Variants in PRKD1 observed in about 807,000 individuals in gnomAD.
The protein encoded by PRKD1 is protein kinase D1, also known as serine/threonine-protein kinase D1.
A neutral mutation model predicts 95.9 loss-of-function variants in PRKD1; 63 were observed. The observed-to-expected ratio is 0.66, with a 90% CI of 0.54 to 0.81. The LOEUF (loss-of-function observed/expected upper bound fraction) is 0.81. Ranked by LOEUF, PRKD1 falls within the 30% of genes least tolerant of loss-of-function variation. The pLI is 0.00. For missense variants in PRKD1, 1,048 were observed against 1,165.3 expected (o/e 0.90, Z 1.47); for synonymous variants, 425 against 423.1 (o/e 1.00, Z -0.05).
intron 1 of PRKD1, among the ~76,000 whole-genome samples, chr14:29,906,951 G>A (rs927487128): frequency 1.3e-5 from 2 of 152,000 alleles, no homozygotes; most frequent in African/African-American, 2.4e-5. Context: ...TTTATTATTC[G>A]CATAATTTTG....
intron 1 of PRKD1, among the ~76,000 whole-genome samples, chr14:29,767,729 T>C (rs1451149533): frequency 6.6e-6 from 1 of 152,238 alleles, no homozygotes. Context: ...GTCACATTGT[T>C]ACCTGAAAAT....
intron 1 of PRKD1, among the ~76,000 whole-genome samples, chr14:29,897,082 A>G (rs755871592): frequency 1.3e-5 from 2 of 152,024 alleles, no homozygotes; most frequent in Non-Finnish European, 2.9e-5. Flanking sequence ...TAATAAGAGT[A>G]TCTTTCTAGA....
At chr14:29,582,382 A>G (rs985259660) in intron 16 of PRKD1, among the ~76,000 whole-genome samples, 1 of 150,944 alleles carries the variant, frequency 6.6e-6, no homozygotes. Context: ...CTTGTTGAAT[A>G]ATTTCAGAAT....
chr14:29,755,787 T>C (rs984217052), intron 1 of PRKD1, among the ~76,000 whole-genome samples: 4 of 152,198 alleles, frequency 2.6e-5, no homozygotes, highest in Non-Finnish European at 5.9e-5. Flanking sequence ...CTCTCATATG[T>C]GCTTAGACAA....
intron 1 of PRKD1, among the ~76,000 whole-genome samples, chr14:29,826,031 C>T (rs994917698): frequency 1.3e-5 from 2 of 151,540 alleles, no homozygotes; most frequent in Non-Finnish European, 2.9e-5. Context: ...TTTATAGTAG[C>T]ACAATTCACA....
At chr14:29,844,448 A>G (rs1322996151) in intron 1 of PRKD1, among the ~76,000 whole-genome samples, 1 of 152,224 alleles carries the variant, frequency 6.6e-6, no homozygotes, top group East Asian at 1.9e-4. Flanking sequence ...TCAACAAATT[A>G]TGGTACATAC....
At chr14:29,659,867 T>C (rs912686347) in intron 4 of PRKD1, among the ~76,000 whole-genome samples, 8 of 152,208 alleles carry the variant, frequency 5.3e-5, no homozygotes, top group Non-Finnish European at 1.0e-4. Flanking sequence ...TGATATATTG[T>C]ATTGAAAATG....
intron 1 of PRKD1, among the ~76,000 whole-genome samples, chr14:29,889,783 T>C (rs1057368972): frequency 1.3e-5 from 2 of 152,178 alleles, no homozygotes; most frequent in African/African-American, 2.4e-5. Context: ...AAATACCTAA[T>C]GTAAATGATG....
At chr14:29,857,646 T>C (rs1892556746) in intron 1 of PRKD1, among the ~76,000 whole-genome samples, 2 of 152,172 alleles carry the variant, frequency 1.3e-5, no homozygotes, top group South Asian at 4.1e-4. Context: ...TTCATACACT[T>C]AGAAGAAGTT....
At chr14:29,866,328 T>C (rs1452645059) in intron 1 of PRKD1, among the ~76,000 whole-genome samples, 2 of 152,238 alleles carry the variant, frequency 1.3e-5, no homozygotes, top group African/African-American at 4.8e-5. Context: ...AATTTCTTAA[T>C]TGGCTACGTA....
chr14:29,855,374 A>C (rs1892459242), intron 1 of PRKD1, among the ~76,000 whole-genome samples: 1 of 152,212 alleles, frequency 6.6e-6, no homozygotes, highest in Admixed American at 6.5e-5. Context: ...TGAAGCTTTA[A>C]GATTTGACTG....
chr14:29,812,534 T>C (rs189117491), intron 1 of PRKD1, among the ~76,000 whole-genome samples: 90 of 152,290 alleles, frequency 5.9e-4, no homozygotes, highest in Non-Finnish European at 1.1e-3. Context: ...TCTGCATGTC[T>C]AGGGAGGCCT....
intron 2 of PRKD1, among the ~76,000 whole-genome samples, chr14:29,708,465 C>T (rs998020374): frequency 1.3e-5 from 2 of 152,002 alleles, no homozygotes; most frequent in African/African-American, 2.4e-5. Context: ...GTGGCCATGA[C>T]GTTAAATAAA....
intron 1 of PRKD1, among the ~76,000 whole-genome samples, chr14:29,768,944 G>A (rs1276381857): frequency 2.7e-4 from 41 of 152,130 alleles, no homozygotes; most frequent in Non-Finnish European, 1.5e-5. Context: ...GGGAGCCCAA[G>A]TCAGGTCACT....
intron 1 of PRKD1, among the ~76,000 whole-genome samples, chr14:29,779,538 T>C (rs956903948): frequency 3.3e-5 from 5 of 152,082 alleles, no homozygotes; most frequent in African/African-American, 9.7e-5. Context: ...CCATTCACAA[T>C]TGCTTCAAAG....
chr14:29,890,179 T>C (rs75881145), intron 1 of PRKD1, among the ~76,000 whole-genome samples: 6,975 of 152,326 alleles, frequency 0.046, 309 homozygotes, highest in African/African-American at 0.12. Context: ...TCTCCTGAGA[T>C]AAAGCAAAGA....
chr14:29,734,593 G>A (rs1886629331), intron 1 of PRKD1, among the ~76,000 whole-genome samples: 1 of 152,068 alleles, frequency 6.6e-6, no homozygotes, highest in Non-Finnish European at 1.5e-5. Context: ...TCTCCCAAGT[G>A]TTTGGTGAAC....
intron 1 of PRKD1, among the ~76,000 whole-genome samples, chr14:29,882,727 T>C (rs748752600): frequency 6.6e-6 from 1 of 152,224 alleles, no homozygotes; most frequent in Non-Finnish European, 1.5e-5. Context: ...AGACACCTCA[T>C]ACAAGTTAAA....
At chr14:29,656,850 A>G (rs1438198262) in intron 4 of PRKD1, among the ~76,000 whole-genome samples, 1 of 152,232 alleles carries the variant, frequency 6.6e-6, no homozygotes, top group Non-Finnish European at 1.5e-5. Context: ...AGTCAAAATG[A>G]AGCGTTTTTG....
Sources: gnomAD v4.1 joint callset for allele counts (sites outside exome capture counted in the v4.1 genomes callset) on GRCh38, gnomAD v4.1.1 for gene constraint, MANE v1.5 for transcripts, NCBI Gene and HGNC (gene_info 2026-07-23, HGNC 2026-07-21) for gene names.